Variants in C1orf159 observed in about 807,000 individuals in gnomAD.
C1orf159 encodes uncharacterized protein C1orf159.
A neutral mutation model predicts 25.6 loss-of-function variants in C1orf159; 19 were observed. That is an observed-to-expected ratio of 0.74 (90% CI 0.52 to 1.09). The LOEUF is 1.09. Ranked by LOEUF, C1orf159 falls within the 50% of genes least tolerant of loss-of-function variation. The pLI, the probability that C1orf159 is intolerant of heterozygous loss-of-function variation, is 0.00. For synonymous variants in C1orf159, 139 were observed against 124.7 expected, an observed-to-expected ratio of 1.12 and a Z score of -0.77; for missense variants, 274 against 290.6, an observed-to-expected ratio of 0.94 and a Z score of 0.42.
chr1:1,115,530 C>T (rs1274231423), intron 1 of C1orf159, among the ~76,000 whole-genome samples: 1 of 130,290 alleles, frequency 7.7e-6, no homozygotes, highest in East Asian at 2.4e-4. Flanking sequence ...CTCCCCTCCC[C>T]AGGTGCCCCC....
chr1:1,107,447 C>T (rs996068490), intron 1 of C1orf159, among the ~76,000 whole-genome samples: 3 of 152,196 alleles, frequency 2.0e-5, no homozygotes, highest in Non-Finnish European at 4.4e-5. Flanking sequence ...ACGCACCAAT[C>T]AGCACCTTGT....
intron 1 of C1orf159, among the ~76,000 whole-genome samples, chr1:1,094,111 T>TG (rs1645978476): frequency 6.7e-6 from 1 of 149,300 alleles, no homozygotes; most frequent in Non-Finnish European, 1.5e-5. Context: ...TTGGCAGGGG[T>TG]GGGGGGCATA....
chr1:1,104,061 C>T (rs541931252), intron 1 of C1orf159, among the ~76,000 whole-genome samples: 5 of 152,230 alleles, frequency 3.3e-5, no homozygotes, highest in South Asian at 2.1e-4. Flanking sequence ...AATCTCAGCT[C>T]GCTGAAGCCT....
intron 1 of C1orf159, 85 bp from the exon 2 acceptor site, chr1:1,092,188 G>A (rs936692017): frequency 3.9e-5 from 13 of 337,140 alleles, no homozygotes; most frequent in Admixed American, 1.6e-4. Context: ...GTCTGGGTCC[G>A]GTCCGGGCCC....
intron 1 of C1orf159, among the ~76,000 whole-genome samples, chr1:1,112,518 C>A (rs532167929): frequency 1.3e-5 from 2 of 151,760 alleles, no homozygotes; most frequent in African/African-American, 2.4e-5. Flanking sequence ...GGCACATGCT[C>A]CCTCCCTCCA....
chr1:1,084,618 G>A, intron 7 of C1orf159, 112 bp from the exon 8 acceptor site: 1 of 1,397,726 alleles, frequency 7.2e-7, no homozygotes, highest in Non-Finnish European at 9.7e-7. Flanking sequence ...TCAGCCCAGT[G>A]CGGCGTCCTC....
intron 9 of C1orf159, chr1:1,084,139 G>T: frequency 1.3e-6 from 2 of 1,551,148 alleles, no homozygotes; most frequent in Non-Finnish European, 8.7e-7. Flanking sequence ...GGGGCGGGCA[G>T]GGGGCGCCGG....
chr1:1,092,297 C>T lies in C1orf159; in HGVS notation c.-135-194G>A, dbSNP rs185343295. On this transcript the variant is annotated intron_variant, in intron 1 of 9. Coordinates refer to ENST00000421241, the MANE Select transcript of C1orf159 (RefSeq NM_017891.5). ...CCCGAGCTGGCCTCCTGGCCTCCTG[C>T]GGGTGAGAGTGCCTGGGATACAGGC... 3.4e-3 allele frequency: 765 copies of T among 226,410 alleles called. 5 individuals carry two copies. The highest frequency in any genetic ancestry group is 4.0e-3 in the Admixed American group (73 of 18,466). The allele number at this position is 226,410 out of a possible 1,614,324, so 14.0% of individuals were successfully genotyped here.
At position 1,110,850 on chromosome 1, in the gene C1orf159, C is replaced by A. The variant is rs1041908519; in HGVS notation, c.-136+5210G>T. Among the ~76,000 whole-genome samples, 142 of 152,334 alleles carry A rather than the reference C, an allele frequency of 9.3e-4. No individual in the cohort carries two copies. Among genetic ancestry groups the A allele is most frequent in the African/African-American group, 3.2e-3 (131 of 41,578 alleles). Reference sequence around the variant, plus strand: ...CTCAACAACAGTTCTCTGCGTGAGCCGTGGCAGACGCAAAACCGCCCGCAC... The same window carrying A: ...CTCAACAACAGTTCTCTGCGTGAGCAGTGGCAGACGCAAAACCGCCCGCAC... On this transcript the variant is annotated intron_variant, in intron 1 of 9. Coordinates refer to ENST00000421241, the MANE Select transcript of C1orf159 (RefSeq NM_017891.5). The surrounding 1 kb of genome is among the most constrained non-coding windows in gnomAD (Gnocchi z 4.8).
intron 1 of C1orf159, among the ~76,000 whole-genome samples, chr1:1,114,353 A>C (rs1480968950): frequency 1.3e-5 from 2 of 151,996 alleles, no homozygotes; most frequent in African/African-American, 2.4e-5. Context: ...AATATTTTTT[A>C]TTTTTTATAG....
intron 1 of C1orf159, among the ~76,000 whole-genome samples, chr1:1,098,002 T>TTTTG (rs1646032802): frequency 1.3e-5 from 2 of 152,158 alleles, no homozygotes; most frequent in African/African-American, 4.8e-5. Flanking sequence ...ACAATTTTGA[T>TTTTG]GTTATATTTT....
At chr1:1,107,757 C>G (rs1241395210) in intron 1 of C1orf159, among the ~76,000 whole-genome samples, 2 of 152,202 alleles carry the variant, frequency 1.3e-5, no homozygotes, top group Admixed American at 6.5e-5. Context: ...CCCTTCCACA[C>G]TATGGAAGCT....
In C1orf159 at chr1:1,081,926, G is replaced by C. The variant is rs567421658; in HGVS notation, c.*967C>G. Reference sequence around the variant, plus strand: ...CACCCACAGTGGACTTCGCAAAGGAGCGTGGGGACCCCGAAGGCCAGGCCA... The same window carrying C: ...CACCCACAGTGGACTTCGCAAAGGACCGTGGGGACCCCGAAGGCCAGGCCA... On this transcript the variant is annotated 3_prime_UTR_variant, in exon 10 of 10. Transcript: ENST00000421241. This position sits in a 1 kb window ranked among gnomAD's most constrained non-coding sequence, Gnocchi z 7.1. The C allele has an allele frequency of 1.3e-5, 2 of 152,420 alleles. No homozygotes were observed. Among genetic ancestry groups the C allele is most frequent in the East Asian group, 3.9e-4 (2 of 5,178 alleles). The allele number at this position is 152,420 out of a possible 1,614,324, so 9.4% of individuals were successfully genotyped here. A position where few individuals can be genotyped will look rare whatever the true frequency, so the allele number is the denominator to read the frequency against.
intron 9 of C1orf159, chr1:1,083,317 T>G: frequency 3.2e-6 from 1 of 312,074 alleles, no homozygotes. Context: ...AAGCAGGCCG[T>G]AGTCCCAAGA....
chr1:1,102,614 T>TAA (rs1170365187), intron 1 of C1orf159, among the ~76,000 whole-genome samples: 373 of 34,116 alleles, frequency 0.011, 32 homozygotes, highest in Non-Finnish European at 0.016. Flanking sequence ...CTGTCTCTAC[T>TAA]AAAAAAAAAA....
chr1:1,100,855 T>A (rs1173583388), intron 1 of C1orf159, among the ~76,000 whole-genome samples: 1 of 152,246 alleles, frequency 6.6e-6, no homozygotes, highest in Non-Finnish European at 1.5e-5. Flanking sequence ...AATGTAGACA[T>A]GTAGACACCT....
chr1:1,111,994 T>A (rs12743678), intron 1 of C1orf159, among the ~76,000 whole-genome samples: 37,509 of 152,132 alleles, frequency 0.25, 6,405 homozygotes, highest in African/African-American at 0.49. Flanking sequence ...TGCATGGTAG[T>A]CGCTGCCCAC....
intron 1 of C1orf159, among the ~76,000 whole-genome samples, chr1:1,113,913 CTTT>C (rs763307791): frequency 9.0e-4 from 109 of 121,006 alleles, no homozygotes; most frequent in African/African-American, 3.2e-3. Flanking sequence ...CCCTCGAGGC[CTTT>C]TTTTTTTTTT....
At chr1:1,108,191 A>G (rs1398988916) in intron 1 of C1orf159, among the ~76,000 whole-genome samples, 1 of 144,392 alleles carries the variant, frequency 6.9e-6, no homozygotes, top group Non-Finnish European at 1.5e-5. Context: ...CACCACAGCC[A>G]CCATGTCTCA....
Sources: gnomAD v4.1 joint callset for allele counts (sites outside exome capture counted in the v4.1 genomes callset) on GRCh38, gnomAD v4.1.1 for gene constraint, Gnocchi (gnomAD v3.1) non-coding constraint, MANE v1.5 for transcripts, NCBI Gene and HGNC (gene_info 2026-07-23, HGNC 2026-07-21) for gene names.